Variants in TSPAN18 observed in about 807,000 individuals in gnomAD.
TSPAN18 encodes tetraspanin 18.
A neutral mutation model predicts 27.3 loss-of-function variants in TSPAN18; 14 were observed. That is an observed-to-expected ratio of 0.51 (90% CI 0.34 to 0.80). The LOEUF (loss-of-function observed/expected upper bound fraction) is 0.80, where lower values mean the gene tolerates loss of function less well. Among genes scored for constraint, TSPAN18 ranks in the 30% least tolerant of loss-of-function variants. TSPAN18 has a pLI of 0.01. For synonymous variants in TSPAN18, 143 were observed against 136.5 expected (o/e 1.05, Z -0.33); for missense variants, 268 against 323.9 (o/e 0.83, Z 1.32).
chr11:44,870,599 C>T (rs1384467664), intron 3 of TSPAN18, among the ~76,000 whole-genome samples: 2 of 152,156 alleles, frequency 1.3e-5, no homozygotes, highest in Non-Finnish European at 1.5e-5. Flanking sequence ...ATTCTCAGAT[C>T]CTGATCACAT....
At chr11:44,751,677 G>A (rs910004115) in intron 1 of TSPAN18, among the ~76,000 whole-genome samples, 5 of 152,088 alleles carry the variant, frequency 3.3e-5, no homozygotes, top group African/African-American at 1.2e-4. Flanking sequence ...CAGCACTTTG[G>A]GAGGCCAAGG....
At chr11:44,911,423 C>T (rs192912303) in intron 5 of TSPAN18, among the ~76,000 whole-genome samples, 30 of 152,310 alleles carry the variant, frequency 2.0e-4, no homozygotes, top group African/African-American at 7.2e-4. Flanking sequence ...AAATGAGTGA[C>T]AAGGAGCCTT....
rs11458938 is a variant in TSPAN18 at position 44,788,456 on chromosome 11, C to CTTTTT, written c.-153+23959_-153+23963dup. Among the ~76,000 whole-genome samples, 1,086 of 126,724 alleles carry CTTTTT rather than the reference C, an allele frequency of 8.6e-3. 26 individuals carry two copies. Among genetic ancestry groups the CTTTTT allele is most frequent in the African/African-American group, 0.031 (1,029 of 33,022 alleles). The allele number at this position is 126,724 out of a possible 152,430, so 83.1% of individuals were successfully genotyped here. Reference sequence around the variant, plus strand: ...TGGAGGATGGGTTTTCTTTTTTTCTCTTTTTTTTTTTTTTTTTTTGAGCCA... The same window carrying CTTTTT: ...TGGAGGATGGGTTTTCTTTTTTTCTCTTTTTTTTTTTTTTTTTTTTTTTTGAGCCA... On this transcript the variant is annotated intron_variant, in intron 2 of 9. Transcript: ENST00000520358.
At chr11:44,820,661 C>G (rs1226966301) in intron 2 of TSPAN18, among the ~76,000 whole-genome samples, 1 of 151,794 alleles carries the variant, frequency 6.6e-6, no homozygotes, top group East Asian at 1.9e-4. Context: ...GGATATTTGT[C>G]CCCCCGCCCC....
chr11:44,747,380 G>C (rs1855104681), intron 1 of TSPAN18, among the ~76,000 whole-genome samples: 1 of 152,202 alleles, frequency 6.6e-6, no homozygotes, highest in South Asian at 2.1e-4. Flanking sequence ...GGGGACCAAG[G>C]GACTTCCCTC....
At chr11:44,904,004 G>A in intron 3 of TSPAN18, 1 of 388,890 alleles carries the variant, frequency 2.6e-6, no homozygotes, top group Non-Finnish European at 5.2e-6. Flanking sequence ...AGTATTATTT[G>A]TAGGGGTGGA....
intron 5 of TSPAN18, among the ~76,000 whole-genome samples, chr11:44,912,361 C>G (rs1859752823): frequency 6.6e-6 from 1 of 151,872 alleles, no homozygotes; most frequent in Non-Finnish European, 1.5e-5. Flanking sequence ...TACGCCCTTT[C>G]CTTGTCCCTG....
intron 3 of TSPAN18, among the ~76,000 whole-genome samples, chr11:44,903,119 T>C (rs888211284): frequency 6.7e-6 from 1 of 150,370 alleles, no homozygotes; most frequent in Non-Finnish European, 1.5e-5. Flanking sequence ...TATATTTTGG[T>C]GGGGGCAGTG....
At chr11:44,791,006 T>G (rs1856205576) in intron 2 of TSPAN18, among the ~76,000 whole-genome samples, 1 of 152,060 alleles carries the variant, frequency 6.6e-6, no homozygotes, top group Admixed American at 6.6e-5. Flanking sequence ...CAGTGCAGAG[T>G]CTATCCTGAG....
chr11:44,919,411 C>T, intron 7 of TSPAN18, 99 bp downstream of exon 7: 4 of 1,036,590 alleles, frequency 3.9e-6, no homozygotes, highest in Non-Finnish European at 5.9e-6. Flanking sequence ...GGCACTCTCC[C>T]ATTGATCACA....
intron 2 of TSPAN18, among the ~76,000 whole-genome samples, chr11:44,801,641 T>C (rs1856482375): frequency 6.6e-6 from 1 of 152,214 alleles, no homozygotes; most frequent in Non-Finnish European, 1.5e-5. Flanking sequence ...AGAAGGAAAC[T>C]GCCTCATTTG....
chr11:44,865,943 C>G (rs1858024590), intron 3 of TSPAN18, among the ~76,000 whole-genome samples: 1 of 152,238 alleles, frequency 6.6e-6, no homozygotes, highest in East Asian at 1.9e-4. Context: ...CTGAGCCGAA[C>G]CACATTCAGT....
At chr11:44,829,730 G>T (rs1427297749) in intron 2 of TSPAN18, among the ~76,000 whole-genome samples, 4 of 151,954 alleles carry the variant, frequency 2.6e-5, no homozygotes, top group African/African-American at 4.8e-5. Context: ...ATACAATAAG[G>T]GTATGTTTAG....
At chr11:44,918,072 T>C (rs1859979726) in intron 6 of TSPAN18, 26 bp downstream of exon 6, 1 of 1,611,858 alleles carries the variant, frequency 6.2e-7, no homozygotes, top group Non-Finnish European at 8.5e-7. Context: ...CAAGCTTTCC[T>C]GCCTCCTGCT....
chr11:44,810,208 C>T (rs1856683407), intron 2 of TSPAN18, among the ~76,000 whole-genome samples: 1 of 152,208 alleles, frequency 6.6e-6, no homozygotes, highest in East Asian at 1.9e-4. Context: ...TCAGCTCATT[C>T]ATAGTGTCCT....
intron 8 of TSPAN18, among the ~76,000 whole-genome samples, chr11:44,924,798 C>G (rs545126254): frequency 3.3e-5 from 5 of 152,146 alleles, no homozygotes; most frequent in Non-Finnish European, 5.9e-5. Context: ...ATGTAAATGA[C>G]GAGTTAATGG....
chr11:44,861,248 C>G (rs886946668), intron 3 of TSPAN18, among the ~76,000 whole-genome samples: 1 of 151,968 alleles, frequency 6.6e-6, no homozygotes, highest in Non-Finnish European at 1.5e-5. Context: ...TTTTCCCAGG[C>G]GGTCCAACAA....
intron 2 of TSPAN18, among the ~76,000 whole-genome samples, chr11:44,820,171 C>G (rs148211432): frequency 6.8e-4 from 103 of 152,328 alleles, no homozygotes; most frequent in Non-Finnish European, 1.2e-3. Flanking sequence ...GCGTGTTCTA[C>G]TCACTCATGA....
chr11:44,856,792 A>G (rs115586199), intron 2 of TSPAN18, among the ~76,000 whole-genome samples: 1,680 of 152,132 alleles, frequency 0.011, 34 homozygotes, highest in African/African-American at 0.039. Flanking sequence ...ATTTCGGGAA[A>G]TACTTGTCCA....
Sources: gnomAD v4.1 joint callset for allele counts (sites outside exome capture counted in the v4.1 genomes callset) on GRCh38, gnomAD v4.1.1 for gene constraint, MANE v1.5 for transcripts, NCBI Gene and HGNC (gene_info 2026-07-23, HGNC 2026-07-21) for gene names.